Variants in TMEM139 observed in about 807,000 individuals in gnomAD.
The protein encoded by TMEM139 is transmembrane protein 139.
In TMEM139, 9 loss-of-function variants were observed where a neutral mutation model predicts 15.9. The observed-to-expected ratio is 0.57, with a 90% CI of 0.34 to 0.99. TMEM139 has a LOEUF of 0.99. Among genes scored for constraint, TMEM139 ranks in the 50% least tolerant of loss-of-function variants. The pLI, the probability that TMEM139 is intolerant of heterozygous loss-of-function variation, is 0.02. For missense variants in TMEM139, 270 were observed against 267.7 expected, an observed-to-expected ratio of 1.01 and a Z score of -0.06; for synonymous variants, 95 against 110.5, an observed-to-expected ratio of 0.86 and a Z score of 0.88.
rs776836692 is a variant in TMEM139 at position 143,287,127 on chromosome 7, G to A, written c.*298G>A. On this transcript the variant is annotated 3_prime_UTR_variant, in exon 3 of 3. Coordinates refer to ENST00000359333, the MANE Select transcript of TMEM139 (RefSeq NM_001282876.2). ...GGCGGAGAAGGAAGAAGTAACCTCT[G>A]AGTGGCGGCTATTGCTTCTGTTCCA... The A allele has an allele frequency of 5.5e-5, 16 of 291,498 alleles. No individual in the cohort carries two copies. The highest frequency in any genetic ancestry group is 9.6e-5 in the Non-Finnish European group (15 of 155,950). 18.1% of individuals were successfully genotyped at this position (291,498 alleles called of 1,614,324 possible). A position where few individuals can be genotyped will look rare whatever the true frequency, so the allele number is the denominator to read the frequency against.
chr7:143,286,655 T>A lies in TMEM139; in HGVS notation c.477T>A (p.Ala159=). Residue 159 remains alanine, a synonymous_variant, in exon 3 of 3, where the codon GCT becomes GCA. Coordinates refer to ENST00000359333, the MANE Select transcript of TMEM139 (RefSeq NM_001282876.2). ...CCCAGGAAGGAAGCCCTGGAAGAGC[T>A]CCAATCAACCTTCGGCTTCGGGGAC... The part of the protein sequence containing the change: ...SMAQEGSPGR[A]PINLRLRGPR... 1 of 1,614,110 alleles carries A rather than the reference T, an allele frequency of 6.2e-7. No homozygotes were observed. Among genetic ancestry groups the A allele is most frequent in the South Asian group, 1.1e-5 (1 of 91,080 alleles).
In TMEM139 at chr7:143,285,827, A is replaced by C. The variant is rs1186998899; in HGVS notation, c.-17-114A>C. ...GGGGACTCTACAGATGATTTATTTG[A>C]GATTGAAGAACCTAGAAACCAAACA... On this transcript the variant is annotated intron_variant, in intron 1 of 2. Coordinates refer to ENST00000359333, the MANE Select transcript of TMEM139 (RefSeq NM_001282876.2). 7 of 1,395,690 alleles carry C rather than the reference A, an allele frequency of 5.0e-6. No individual in the cohort carries two copies. In the East Asian group the frequency reaches 1.6e-4, roughly 32 times the overall value. The allele number at this position is 1,395,690 out of a possible 1,614,324, so 86.5% of individuals were successfully genotyped here. A position where few individuals can be genotyped will look rare whatever the true frequency, so the allele number is the denominator to read the frequency against.
intron 1 of TMEM139, chr7:143,285,729 G>C (rs1801255315): frequency 1.7e-6 from 1 of 587,666 alleles, no homozygotes; most frequent in East Asian, 3.0e-5. Flanking sequence ...GAATGGCTGG[G>C]AGTCAAAGCT....
At position 143,286,737 on chromosome 7, in the gene TMEM139, G is replaced by A. The variant is rs754801256; in HGVS notation, c.559G>A (p.Glu187Lys). Residue 187 changes from glutamate to lysine, a missense_variant, in exon 3 of 3, where the codon GAG becomes AAG. Coordinates refer to ENST00000359333, the MANE Select transcript of TMEM139 (RefSeq NM_001282876.2). ...GAGCTTGGCGGCAGTCCCCACATTA[G>A]AGCCTCTGACTCCACCCCCTGCCTA... ...LQSLAAVPTL[E>K]PLTPPPAYDV... 20 of 1,614,052 alleles carry A rather than the reference G, an allele frequency of 1.2e-5. No homozygotes were observed. The highest frequency in any genetic ancestry group is 1.7e-5 in the Non-Finnish European group (20 of 1,180,038).
Position 143,286,154 on chromosome 7 carries a change from A to C in TMEM139, c.197A>C (p.Gln66Pro), listed in dbSNP as rs562740614. Residue 66 changes from glutamine to proline, a missense_variant, in exon 2 of 3, where the codon CAG becomes CCG. By Grantham distance (76) the Gln-to-Pro change is moderately conservative (BLOSUM62 -1). Coordinates refer to ENST00000359333, the MANE Select transcript of TMEM139 (RefSeq NM_001282876.2). ...TTTCTGGAATGGGGGCTTCGGTCCC[A>C]GCTCCAATCAATGCAGACTGAGAGC... ...VRFLEWGLRS[Q>P]LQSMQTESPG... The C allele has an allele frequency of 6.2e-5, 100 of 1,613,966 alleles. No individual in the cohort carries two copies. Among genetic ancestry groups the C allele is most frequent in the Non-Finnish European group, 8.1e-5 (96 of 1,180,012 alleles).
chr7:143,285,765 A>G, intron 1 of TMEM139, 176 bp from the exon 2 acceptor site: 1 of 802,368 alleles, frequency 1.2e-6, no homozygotes, highest in Non-Finnish European at 1.9e-6. Context: ...TGGCTATTCC[A>G]CACACTCCAA....
Position 143,287,149 on chromosome 7 carries a change from TC to T in TMEM139, c.*322del, listed in dbSNP as rs1298106293. On this transcript the variant is annotated 3_prime_UTR_variant, in exon 3 of 3. Coordinates refer to ENST00000359333, the MANE Select transcript of TMEM139 (RefSeq NM_001282876.2). ...TCTGAGTGGCGGCTATTGCTTCTGTTCCAGGTGCTGTTCGAGCTGTTAGAAC... is the reference window on the plus strand; with the variant it reads ...TCTGAGTGGCGGCTATTGCTTCTGTTCAGGTGCTGTTCGAGCTGTTAGAAC... 1 of 250,138 alleles carries T rather than the reference TC, an allele frequency of 4.0e-6. No homozygotes were observed. The highest frequency in any genetic ancestry group is 8.8e-5 in the East Asian group (1 of 11,322). 15.5% of individuals were successfully genotyped at this position (250,138 alleles called of 1,614,324 possible). A position where few individuals can be genotyped will look rare whatever the true frequency, so the allele number is the denominator to read the frequency against.
rs1386569722 is a variant in TMEM139 at position 143,285,951 on chromosome 7, A to C, written c.-7A>C. 2 of 1,614,036 alleles carry C rather than the reference A, an allele frequency of 1.2e-6. No individual in the cohort carries two copies. Among genetic ancestry groups the C allele is most frequent in the Non-Finnish European group, 8.5e-7 (1 of 1,179,962 alleles). On this transcript the variant is annotated 5_prime_UTR_variant, in exon 2 of 3. Transcript: ENST00000359333. The stretch of plus-strand genomic sequence containing the variant: ...TGTGTCTTTTTGCAGGAGCCTGGGG[A>C]GGGGCCATGGTGCCAATGCACTTAC...
Position 143,286,578 on chromosome 7 carries a change from T to G in TMEM139, c.400T>G (p.Ser134Ala), listed in dbSNP as rs993501712. The G allele has an allele frequency of 6.2e-7, 1 of 1,611,328 alleles. No individual in the cohort carries two copies. The highest frequency in any genetic ancestry group is 1.4e-5 in the African/African-American group (1 of 73,774). Residue 134 changes from serine (S) to alanine (A), a missense_variant, in exon 3 of 3, where the codon TCC becomes GCC. Ser to Ala is a moderately conservative substitution (Grantham distance 99). Transcript: ENST00000359333. ...EEEQPSHPEG[S>A]RRAKLEQRRM... ...GGAACAACCTAGCCATCCAGAGGGG[T>G]CCAGGAGAGCCAAACTGGAACAGAG...
Position 143,286,487 on chromosome 7 carries a change from CCGCCCCCAAGAGT to C in TMEM139, c.310_322del (p.Arg104TrpfsTer11), listed in dbSNP as rs766343876. 2 of 1,570,878 alleles carry C rather than the reference CCGCCCCCAAGAGT, an allele frequency of 1.3e-6. No homozygotes were observed. Among genetic ancestry groups the C allele is most frequent in the Non-Finnish European group, 1.7e-6 (2 of 1,160,898 alleles). On this transcript the variant is annotated frameshift_variant, in exon 3 of 3. Transcript: ENST00000359333. LOFTEE classifies it high-confidence loss of function. Reference sequence around the variant, plus strand: ...CCGTGGTGGGACTAGAATCCCAGTGCCGCCCCCAAGAGTTGGACCAACCACCCCCCTACAGCAC... The same window carrying C: ...CCGTGGTGGGACTAGAATCCCAGTGCTGGACCAACCACCCCCCTACAGCAC...
At position 143,286,224 on chromosome 7, in the gene TMEM139, T is replaced by G. The variant is rs201211574; in HGVS notation, c.245+22T>G. On this transcript the variant is annotated intron_variant, in intron 2 of 2. Transcript: ENST00000359333. The stretch of plus-strand genomic sequence containing the variant: ...CACGGTGAGTTAAGGGTGGGCATCG[T>G]AAGAGGAATACACCTTGGGCCCATC... 176 of 1,612,688 alleles carry G rather than the reference T, an allele frequency of 1.1e-4. No individual in the cohort carries two copies. The African/African-American group carries it at 2.1e-3, about 19-fold the overall frequency.
rs556354422 is a variant in TMEM139, at chr7:143,286,088, C to T, written c.131C>T (p.Thr44Ile). The T allele has an allele frequency of 6.2e-7, 1 of 1,614,144 alleles. No individual in the cohort carries two copies. The highest frequency in any genetic ancestry group is 8.5e-7 in the Non-Finnish European group (1 of 1,180,030). The change falls in exon 2 of 3, where the codon ACA (threonine) becomes ATA (isoleucine). Residue 44 changes from threonine (T) to isoleucine (I), a missense_variant. Coordinates refer to ENST00000359333, the MANE Select transcript of TMEM139 (RefSeq NM_001282876.2). ...ACCCCCGTTGCTTATTTCTTTCTCA[C>T]ATTGGGTGGCTTCTTCTTGTTTGCC... is the stretch of plus-strand genomic sequence containing the variant. Reference protein sequence around the residue: ...DITPVAYFFLTLGGFFLFAYL... With the variant: ...DITPVAYFFLILGGFFLFAYL...
In TMEM139 at chr7:143,286,840, C is replaced by T. The variant is rs1331107913; in HGVS notation, c.*11C>T. ...TGGGCACCCCCTTAAATGACTCTCCCAAGATTTCTCTTCTCTCCACACCAG... is the reference window on the plus strand; with the variant it reads ...TGGGCACCCCCTTAAATGACTCTCCTAAGATTTCTCTTCTCTCCACACCAG... On this transcript the variant is annotated 3_prime_UTR_variant, in exon 3 of 3. Transcript: ENST00000359333. 1 of 1,567,014 alleles carries T rather than the reference C, an allele frequency of 6.4e-7. No homozygotes were observed.
At position 143,286,719 on chromosome 7, in the gene TMEM139, G is replaced by C. The variant is rs1801336641; in HGVS notation, c.541G>C (p.Ala181Pro). The change falls in exon 3 of 3, where the codon GCG (alanine) becomes CCG (proline). Residue 181 changes from alanine to proline, a missense_variant. Ala to Pro is a conservative substitution (Grantham distance 27). Coordinates refer to ENST00000359333, the MANE Select transcript of TMEM139 (RefSeq NM_001282876.2). The part of the protein sequence containing the change: ...VSTAPDLQSL[A>P]AVPTLEPLTP... Reference sequence around the variant, plus strand: ...CACTGCTCCTGATCTGCAGAGCTTGGCGGCAGTCCCCACATTAGAGCCTCT... The same window carrying C: ...CACTGCTCCTGATCTGCAGAGCTTGCCGGCAGTCCCCACATTAGAGCCTCT... 6.2e-7 allele frequency: 1 copy of C among 1,614,052 alleles called. No homozygotes were observed. Among genetic ancestry groups the C allele is most frequent in the African/African-American group, 1.3e-5 (1 of 74,906 alleles).
rs1801366865 is a variant in TMEM139, at chr7:143,287,212, A to G, written c.*383A>G. ...ACAGCTTTGTGAGTTATTATTGAAA[A>G]ATGAGGATTCCAAGAGTCAGAGGAG... On this transcript the variant is annotated 3_prime_UTR_variant, in exon 3 of 3. Coordinates refer to ENST00000359333, the MANE Select transcript of TMEM139 (RefSeq NM_001282876.2). The G allele has an allele frequency of 5.9e-6, 1 of 170,456 alleles. No individual in the cohort carries two copies. The highest frequency in any genetic ancestry group is 2.4e-5 in the African/African-American group (1 of 42,080). 10.6% of individuals were successfully genotyped at this position (170,456 alleles called of 1,614,324 possible). A position where few individuals can be genotyped will look rare whatever the true frequency, so the allele number is the denominator to read the frequency against.
chr7:143,286,519 A>G lies in TMEM139; in HGVS notation c.341A>G (p.Tyr114Cys). The change falls in exon 3 of 3, where the codon TAC becomes TGC. Residue 114 changes from tyrosine (Y) to cysteine (C), a missense_variant. Physicochemically the swap from Tyr to Cys is radical, Grantham distance 194. Coordinates refer to ENST00000359333, the MANE Select transcript of TMEM139 (RefSeq NM_001282876.2). ...RPQELDQPPPYSTVVIPPAPE... is the reference protein window; with the variant it reads ...RPQELDQPPPCSTVVIPPAPE... ...CAAGAGTTGGACCAACCACCCCCCT[A>G]CAGCACTGTTGTGATACCCCCAGCA... 6.4e-7 allele frequency: 1 copy of G among 1,554,000 alleles called. No individual in the cohort carries two copies. Among genetic ancestry groups the G allele is most frequent in the South Asian group, 1.1e-5 (1 of 90,012 alleles).
Position 143,286,091 on chromosome 7 carries a change from T to G in TMEM139, c.134T>G (p.Leu45Trp). The change falls in exon 2 of 3, where the codon TTG becomes TGG. Residue 45 changes from leucine to tryptophan, a missense_variant. By Grantham distance (61) the Leu-to-Trp change is moderately conservative. Transcript: ENST00000359333. The part of the protein sequence containing the change: ...ITPVAYFFLT[L>W]GGFFLFAYLL... ...CCCGTTGCTTATTTCTTTCTCACAT[T>G]GGGTGGCTTCTTCTTGTTTGCCTAT... 10 of 1,614,134 alleles carry G rather than the reference T, an allele frequency of 6.2e-6. No individual in the cohort carries two copies. Among genetic ancestry groups the G allele is most frequent in the Non-Finnish European group, 8.5e-6 (10 of 1,180,028 alleles).
rs1801272972 is a variant in TMEM139 at position 143,286,001 on chromosome 7, T to C, written c.44T>C (p.Leu15Pro). 4 of 1,614,144 alleles carry C rather than the reference T, an allele frequency of 2.5e-6. No homozygotes were observed. In the East Asian group the frequency reaches 8.9e-5, roughly 36 times the overall value. Residue 15 changes from leucine (L) to proline (P), a missense_variant, in exon 2 of 3, where the codon CTC becomes CCC. Leu to Pro is a moderately conservative substitution (Grantham distance 98). Transcript: ENST00000359333. Reference sequence around the variant, plus strand: ...CTGGGGAGACTGGAGAAGCCGCTTCTCCTCCTGTGCTGCGCCTCCTTCCTA... The same window carrying C: ...CTGGGGAGACTGGAGAAGCCGCTTCCCCTCCTGTGCTGCGCCTCCTTCCTA... ...HLLGRLEKPL[L>P]LLCCASFLLG...
In TMEM139 at chr7:143,285,983, G is replaced by C; in HGVS notation, c.26G>C (p.Arg9Thr). 3.7e-6 allele frequency: 6 copies of C among 1,614,190 alleles called. No individual in the cohort carries two copies. The highest frequency in any genetic ancestry group is 5.1e-6 in the Non-Finnish European group (6 of 1,180,024). The part of the protein sequence containing the change: MVPMHLLG[R>T]LEKPLLLLCC... Reference sequence around the variant, plus strand: ...ATGGTGCCAATGCACTTACTGGGGAGACTGGAGAAGCCGCTTCTCCTCCTG... The same window carrying C: ...ATGGTGCCAATGCACTTACTGGGGACACTGGAGAAGCCGCTTCTCCTCCTG... Residue 9 changes from arginine (R) to threonine (T), a missense_variant, in exon 2 of 3, where the codon AGA becomes ACA. Physicochemically the swap from Arg to Thr is moderately conservative, Grantham distance 71. Coordinates refer to ENST00000359333, the MANE Select transcript of TMEM139 (RefSeq NM_001282876.2).
Sources: allele counts gnomAD v4.1 joint callset, GRCh38; gene constraint gnomAD v4.1.1; transcripts MANE v1.5; gene names NCBI Gene and HGNC (gene_info 2026-07-23, HGNC 2026-07-21).